Variants in SPIRE1 observed in about 807,000 individuals in gnomAD.
The protein encoded by SPIRE1 is protein spire homolog 1.
Under a neutral mutation model 94.1 loss-of-function variants are expected in SPIRE1, and 40 were observed. The observed-to-expected ratio is 0.43, with a 90% CI of 0.33 to 0.55. The LOEUF is 0.55. Ranked by LOEUF, SPIRE1 falls within the 20% of genes least tolerant of loss-of-function variation. The pLI, the probability that SPIRE1 is intolerant of heterozygous loss-of-function variation, is 0.06. For synonymous variants in SPIRE1, 376 were observed against 371.7 expected (o/e 1.01, Z -0.13); for missense variants, 838 against 975.2 (o/e 0.86, Z 1.87).
At chr18:12,502,915 G>A (rs1018456768) in intron 6 of SPIRE1, among the ~76,000 whole-genome samples, 7 of 152,044 alleles carry the variant, frequency 4.6e-5, no homozygotes, top group African/African-American at 1.2e-4. Context: ...CGAGACCAGC[G>A]TGGCTAACCT....
intron 1 of SPIRE1, among the ~76,000 whole-genome samples, chr18:12,638,547 C>G (rs1251792056): frequency 3.3e-5 from 5 of 152,192 alleles, no homozygotes; most frequent in African/African-American, 1.2e-4. Context: ...GAGTGAAGAG[C>G]ACACTCTAAG....
At chr18:12,639,869 T>TAAA (rs562155267) in intron 1 of SPIRE1, among the ~76,000 whole-genome samples, 1 of 142,422 alleles carries the variant, frequency 7.0e-6, no homozygotes, top group Non-Finnish European at 1.5e-5. Context: ...ACATTGTCTT[T>TAAA]AAAAAAAAAA....
At chr18:12,627,570 T>C (rs535394634) in intron 2 of SPIRE1, among the ~76,000 whole-genome samples, 17 of 152,360 alleles carry the variant, frequency 1.1e-4, no homozygotes, top group African/African-American at 4.1e-4. Context: ...TTTAGGTATA[T>C]ACCCAGTAAT....
chr18:12,493,349 T>G, intron 7 of SPIRE1, 148 bp from the exon 8 acceptor site: 1 of 729,644 alleles, frequency 1.4e-6, no homozygotes, highest in Admixed American at 3.2e-5. Context: ...AATATTAAGG[T>G]TCCTAAAGCA....
chr18:12,486,606 C>T (rs1425272251), intron 8 of SPIRE1, among the ~76,000 whole-genome samples: 2 of 152,148 alleles, frequency 1.3e-5, no homozygotes, highest in African/African-American at 2.4e-5. Flanking sequence ...GAGTGTGACC[C>T]CAGGCAAGTT....
intron 2 of SPIRE1, among the ~76,000 whole-genome samples, chr18:12,583,228 T>C (rs963950686): frequency 4.6e-5 from 7 of 152,142 alleles, no homozygotes; most frequent in African/African-American, 1.7e-4. Context: ...CCCACCACTT[T>C]TGAGAGGCAG....
At chr18:12,568,879 G>T (rs1840286256) in intron 2 of SPIRE1, among the ~76,000 whole-genome samples, 1 of 92,312 alleles carries the variant, frequency 1.1e-5, no homozygotes, top group African/African-American at 2.8e-5. Flanking sequence ...CACTGTAGTG[G>T]TGATCCAGCG....
chr18:12,471,689 T>A (rs2032367630), intron 10 of SPIRE1, among the ~76,000 whole-genome samples: 1 of 152,206 alleles, frequency 6.6e-6, no homozygotes, highest in Non-Finnish European at 1.5e-5. Flanking sequence ...ATGAGATACA[T>A]GGACTTCAGA....
intron 6 of SPIRE1, among the ~76,000 whole-genome samples, chr18:12,499,822 G>A (rs2033594299): frequency 6.6e-6 from 1 of 152,204 alleles, no homozygotes; most frequent in African/African-American, 2.4e-5. Flanking sequence ...CAGAATGGGT[G>A]TTTTTCTATA....
At chr18:12,627,396 CT>C (rs2037661418) in intron 2 of SPIRE1, among the ~76,000 whole-genome samples, 1 of 152,068 alleles carries the variant, frequency 6.6e-6, no homozygotes, top group South Asian at 2.1e-4. Flanking sequence ...TGAACTCATC[CT>C]TTTTTATGGC....
chr18:12,466,775 T>C (rs1414753639), intron 10 of SPIRE1, among the ~76,000 whole-genome samples: 1 of 152,144 alleles, frequency 6.6e-6, no homozygotes, highest in Non-Finnish European at 1.5e-5. Flanking sequence ...CATAGGTAAA[T>C]GTGTGCCATG....
intron 2 of SPIRE1, among the ~76,000 whole-genome samples, chr18:12,554,120 G>A (rs1002442106): frequency 2.0e-5 from 3 of 152,040 alleles, no homozygotes; most frequent in Non-Finnish European, 2.9e-5. Context: ...CCAAGATGGT[G>A]AAACCCCGTC....
intron 12 of SPIRE1, among the ~76,000 whole-genome samples, chr18:12,462,298 T>G (rs1456355493): frequency 1.3e-5 from 2 of 152,266 alleles, no homozygotes. Context: ...TAATAATTCA[T>G]CACAGCCTTA....
intron 1 of SPIRE1, among the ~76,000 whole-genome samples, chr18:12,644,003 G>C (rs1454360778): frequency 6.8e-6 from 1 of 147,414 alleles, no homozygotes; most frequent in East Asian, 2.0e-4. Flanking sequence ...AGACCAGCCT[G>C]GCCAACATGG....
intron 1 of SPIRE1, chr18:12,636,396 C>T (rs2037928839): frequency 6.6e-6 from 1 of 151,982 alleles, no homozygotes; most frequent in African/African-American, 2.4e-5. Flanking sequence ...AATTTCTATG[C>T]CTCAGACTGT....
At chr18:12,527,779 T>C (rs148008127) in intron 4 of SPIRE1, among the ~76,000 whole-genome samples, 2 of 152,082 alleles carry the variant, frequency 1.3e-5, no homozygotes, top group Non-Finnish European at 2.9e-5. Flanking sequence ...TGAATAAAAA[T>C]ATGTTGGCCA....
chr18:12,579,401 A>G (rs1416456166), intron 2 of SPIRE1, among the ~76,000 whole-genome samples: 2 of 152,210 alleles, frequency 1.3e-5, no homozygotes. Context: ...GGCAATTATT[A>G]TATGATTCCA....
intron 10 of SPIRE1, among the ~76,000 whole-genome samples, chr18:12,474,318 C>T (rs2032473474): frequency 6.6e-6 from 1 of 152,056 alleles, no homozygotes; most frequent in African/African-American, 2.4e-5. Flanking sequence ...GAGTTCAGTG[C>T]CAGCTGAGTA....
At chr18:12,551,376 T>A (rs2035343497) in intron 2 of SPIRE1, among the ~76,000 whole-genome samples, 1 of 152,318 alleles carries the variant, frequency 6.6e-6, no homozygotes, top group Non-Finnish European at 1.5e-5. Flanking sequence ...AGTAGAAATC[T>A]TTTCAAAAAC....
Sources: allele counts gnomAD v4.1 joint callset (sites outside exome capture counted in the v4.1 genomes callset), GRCh38; gene constraint gnomAD v4.1.1; transcripts MANE v1.5; gene names NCBI Gene and HGNC (gene_info 2026-07-23, HGNC 2026-07-21).